Variants in ANKRD36C observed in about 807,000 individuals in gnomAD.
ANKRD36C encodes ankyrin repeat domain 36C, also known as ankyrin repeat domain-containing protein 36C.
A neutral mutation model predicts 276.4 loss-of-function variants in ANKRD36C; 61 were observed. The ratio of observed to expected loss-of-function variants is 0.22; its 90% confidence interval spans 0.18 to 0.27. The LOEUF (loss-of-function observed/expected upper bound fraction) is 0.27. Among genes scored for constraint, ANKRD36C ranks in the 10% least tolerant of loss-of-function variants. The probability of loss-of-function intolerance (pLI) is 1.00; values close to 1 mark genes in which losing one functional copy is unlikely to be tolerated. For missense variants in ANKRD36C, 1,447 were observed against 2,032.3 expected (o/e 0.71, Z 5.54); for synonymous variants, 483 against 680.1 (o/e 0.71, Z 4.51).
rs547743878 is a variant in ANKRD36C at position 95,960,600 on chromosome 2, T to C, written c.930+39A>G. 7,838 of 1,346,508 alleles carry C rather than the reference T, an allele frequency of 5.8e-3. 41 individuals carry two copies. Among genetic ancestry groups the C allele is most frequent in the Non-Finnish European group, 7.4e-3 (7,351 of 991,352 alleles). 83.4% of individuals were successfully genotyped at this position (1,346,508 alleles called of 1,614,324 possible). On this transcript the variant is annotated intron_variant, in intron 9 of 66. Coordinates refer to ENST00000456556, the Ensembl canonical transcript of ANKRD36C. Reference sequence around the variant, plus strand: ...TACCTAAAGTATATTTCATAGACTATACAGTTAATTATTCAAAATATGAAT... The same window carrying C: ...TACCTAAAGTATATTTCATAGACTACACAGTTAATTATTCAAAATATGAAT...
intron 40 of ANKRD36C, among the ~76,000 whole-genome samples, chr2:95,912,691 G>A (rs1459409645): frequency 1.3e-5 from 2 of 151,370 alleles, no homozygotes; most frequent in African/African-American, 2.4e-5. Context: ...ATAAAACCGT[G>A]TCAATATCAA....
chr2:95,880,732 A>T, intron 56 of ANKRD36C, 109 bp from the exon 77 acceptor site: 1 of 1,353,966 alleles, frequency 7.4e-7, no homozygotes, highest in Non-Finnish European at 1.0e-6. Context: ...GTATTAGTGT[A>T]GGGTTTCATG....
Position 95,914,129 on chromosome 2 carries a change from C to A in ANKRD36C, c.2530G>T (p.Asp844Tyr), listed in dbSNP as rs745658501. The A allele has an allele frequency of 3.2e-6, 5 of 1,576,716 alleles. No individual in the cohort carries two copies. In the South Asian group the frequency reaches 5.7e-5, roughly 18 times the overall value. The change falls in exon 40 of 67, where the codon GAT (aspartate) becomes TAT (tyrosine). Residue 844 changes from aspartate (D) to tyrosine (Y), a missense_variant. Around this residue, in one of 13 missense-constraint regions of ANKRD36C, gnomAD observed 565 missense variants for 539.5 expected, o/e 1.05. Coordinates refer to ENST00000456556, the Ensembl canonical transcript of ANKRD36C. ...TTACCTCTCCTAGTTTTTTCTCCAT[C>A]CTCTTTTCCTCTGGCTATATTCAAA...
chr2:95,988,732 T>C (rs1258448066), intron 1 of ANKRD36C, among the ~76,000 whole-genome samples: 2 of 152,204 alleles, frequency 1.3e-5, no homozygotes, highest in Admixed American at 6.5e-5. Flanking sequence ...TTTAAAATTG[T>C]TTGCTTATAT....
At chr2:95,862,738 G>A (rs534302273) in intron 60 of ANKRD36C, among the ~76,000 whole-genome samples, 10 of 152,086 alleles carry the variant, frequency 6.6e-5, no homozygotes, top group African/African-American at 2.4e-4. Context: ...TCACAGATGT[G>A]ACGGTATTAG....
chr2:95,866,548 A>G (rs1348558270), intron 60 of ANKRD36C, among the ~76,000 whole-genome samples: 1 of 152,148 alleles, frequency 6.6e-6, no homozygotes, highest in Non-Finnish European at 1.5e-5. Context: ...CATTTTAGTC[A>G]TTAGGATCAT....
chr2:95,977,381 A>T (rs1678832255), intron 6 of ANKRD36C, among the ~76,000 whole-genome samples: 1 of 152,242 alleles, frequency 6.6e-6, no homozygotes, highest in Non-Finnish European at 1.5e-5. Context: ...TGGTTTTCAC[A>T]GGAAAAAAAT....
chr2:95,911,573 C>G (rs1485516359), intron 42 of ANKRD36C, among the ~76,000 whole-genome samples: 2 of 151,378 alleles, frequency 1.3e-5, no homozygotes, highest in Non-Finnish European at 3.0e-5. Context: ...ATCTCTGATG[C>G]CTAATAGTAA....
At chr2:95,910,811 A>G (rs1676894666) in intron 42 of ANKRD36C, among the ~76,000 whole-genome samples, 1 of 151,446 alleles carries the variant, frequency 6.6e-6, no homozygotes, top group Non-Finnish European at 1.5e-5. Context: ...GTCTAAAACT[A>G]AAATAAAACC....
chr2:95,917,665 G>T (rs1198909994), intron 36 of ANKRD36C, among the ~76,000 whole-genome samples, 190 bp downstream of exon 38: 1 of 151,470 alleles, frequency 6.6e-6, no homozygotes, highest in Non-Finnish European at 1.5e-5. Context: ...ATACTGCAAA[G>T]ATCACGTTCC....
At chr2:95,887,853 G>A in intron 50 of ANKRD36C, 72 bp downstream of exon 70, 1 of 1,528,620 alleles carries the variant, frequency 6.5e-7, no homozygotes, top group Non-Finnish European at 8.8e-7. Context: ...GCCCCGCACT[G>A]ATTTGTTCGG....
chr2:95,938,198 T>C (rs1677770573), intron 22 of ANKRD36C, among the ~76,000 whole-genome samples: 1 of 152,284 alleles, frequency 6.6e-6, no homozygotes, highest in Non-Finnish European at 1.5e-5. Context: ...GTAAAAAACA[T>C]TAATTCAGGC....
At chr2:95,869,150 A>T (rs1675746335) in intron 59 of ANKRD36C, among the ~76,000 whole-genome samples, 1 of 151,990 alleles carries the variant, frequency 6.6e-6, no homozygotes, top group African/African-American at 2.4e-5. Context: ...GAGAAAAATT[A>T]AAAAATAATT....
chr2:95,917,842 T>C lies in ANKRD36C; in HGVS notation c.2347+13A>G. On this transcript the variant is annotated intron_variant, in intron 36 of 66. Transcript: ENST00000456556. ...GGATTGAACGTGACATTAAATGTCT[T>C]TTGCAAAATTACCTGTCCCAGATTT... The C allele has an allele frequency of 6.3e-7, 1 of 1,590,362 alleles. No individual in the cohort carries two copies. Among genetic ancestry groups the C allele is most frequent in the Non-Finnish European group, 8.6e-7 (1 of 1,167,512 alleles).
intron 36 of ANKRD36C, among the ~76,000 whole-genome samples, chr2:95,917,152 C>T (rs1393715909): frequency 6.6e-6 from 1 of 151,564 alleles, no homozygotes; most frequent in Non-Finnish European, 1.5e-5. Flanking sequence ...GTAAAGTCAA[C>T]AAAACATGTA....
At chr2:95,878,963 T>G (rs1034929620) in intron 58 of ANKRD36C, among the ~76,000 whole-genome samples, 29 of 152,304 alleles carry the variant, frequency 1.9e-4, no homozygotes, top group African/African-American at 6.7e-4. Context: ...GCTAGGTAAC[T>G]ACTCAAAAGC....
chr2:95,921,491 T>C (rs1028373964), intron 34 of ANKRD36C, 116 bp downstream of exon 34: 2 of 1,393,266 alleles, frequency 1.4e-6, no homozygotes, highest in South Asian at 2.7e-5. Flanking sequence ...GCCTACTGAA[T>C]CAGAATGTGC....
At chr2:95,922,641 C>T (rs1203836590) in intron 32 of ANKRD36C, among the ~76,000 whole-genome samples, 1 of 151,546 alleles carries the variant, frequency 6.6e-6, no homozygotes, top group Non-Finnish European at 1.5e-5. Context: ...TTGATGAACT[C>T]AACATTATAT....
chr2:95,985,452 T>C (rs1173060804), intron 3 of ANKRD36C, among the ~76,000 whole-genome samples: 2 of 152,210 alleles, frequency 1.3e-5, no homozygotes, highest in Non-Finnish European at 2.9e-5. Context: ...TTGTTGTTGT[T>C]GTGTTGTTGC....
Sources: allele counts gnomAD v4.1 joint callset (sites outside exome capture counted in the v4.1 genomes callset), GRCh38; gene constraint gnomAD v4.1.1; regional missense constraint gnomAD v4.1.1; transcripts MANE v1.5; gene names NCBI Gene and HGNC (gene_info 2026-07-23, HGNC 2026-07-21).